Variants in PCDHGA9 observed in about 807,000 individuals in gnomAD.
PCDHGA9 encodes the protein protocadherin gamma subfamily A, 9.
In PCDHGA9, 37 loss-of-function variants were observed where a neutral mutation model predicts 62.5. The ratio of observed to expected loss-of-function variants is 0.59; its 90% CI spans 0.46 to 0.78. The LOEUF (loss-of-function observed/expected upper bound fraction) is 0.78. Among genes scored for constraint, PCDHGA9 ranks in the 30% least tolerant of loss-of-function variants. The pLI is 0.00. For missense variants in PCDHGA9, 1,138 were observed against 1,166.2 expected (o/e 0.98, Z 0.35); for synonymous variants, 459 against 484.6 (o/e 0.95, Z 0.69).
At position 141,431,590 on chromosome 5, in the gene PCDHGA9, G is replaced by A; in HGVS notation, c.2424+26214G>A. On this transcript the variant is annotated intron_variant, in intron 1 of 3. Transcript: ENST00000573521. The surrounding 1 kb of genome is among the most constrained non-coding windows in gnomAD (Gnocchi z 4.8). ...CTGACGAAGGAGTCAATGCGGAAGT[G>A]AGGTATTCCTTCCGGTATGTGGACG... 1.2e-6 allele frequency: 2 copies of A among 1,614,240 alleles called. No homozygotes were observed. Among genetic ancestry groups the A allele is most frequent in the South Asian group, 1.1e-5 (1 of 91,090 alleles).
At position 141,476,105 on chromosome 5, in the gene PCDHGA9, C is replaced by T; in HGVS notation, c.2425-18702C>T. ...ATCTGGACCCCGCTGAGAGGAACTG[C>T]TTTTGAGTGAGATGGTCCCAGAGGC... On this transcript the variant is annotated intron_variant, in intron 1 of 3. Coordinates refer to ENST00000573521, the MANE Select transcript of PCDHGA9 (RefSeq NM_018921.3). This position sits in a 1 kb window ranked among gnomAD's most constrained non-coding sequence, Gnocchi z 7.6. 2.5e-6 allele frequency: 4 copies of T among 1,585,450 alleles called. No homozygotes were observed. The highest frequency in any genetic ancestry group is 3.4e-6 in the Non-Finnish European group (4 of 1,168,874).
Position 141,487,323 on chromosome 5 carries a change from G to T in PCDHGA9, c.2425-7484G>T. The T allele has an allele frequency of 6.2e-7, 1 of 1,614,100 alleles. No homozygotes were observed. The highest frequency in any genetic ancestry group is 8.5e-7 in the Non-Finnish European group (1 of 1,180,004). On this transcript the variant is annotated intron_variant, in intron 1 of 3. Coordinates refer to ENST00000573521, the MANE Select transcript of PCDHGA9 (RefSeq NM_018921.3). This position sits in a 1 kb window ranked among gnomAD's most constrained non-coding sequence, Gnocchi z 5.0. ...GTGGCACTACTCTCTAAGTGTCTTC[G>T]TGGGGCAGCCTGTGGAGTCACATGC... is the stretch of plus-strand genomic sequence containing the variant.
intron 3 of PCDHGA9, among the ~76,000 whole-genome samples, chr5:141,508,649 C>T (rs1303066200): frequency 6.6e-6 from 1 of 152,126 alleles, no homozygotes; most frequent in Non-Finnish European, 1.5e-5. Flanking sequence ...CCGTCAGGCC[C>T]TTCCTGTCAT....
Position 141,477,650 on chromosome 5 carries a change from A to C in PCDHGA9, c.2425-17157A>C. The C allele has an allele frequency of 6.2e-7, 1 of 1,614,210 alleles. No homozygotes were observed. Among genetic ancestry groups the C allele is most frequent in the Non-Finnish European group, 8.5e-7 (1 of 1,180,036 alleles). On this transcript the variant is annotated intron_variant, in intron 1 of 3. Coordinates refer to ENST00000573521, the MANE Select transcript of PCDHGA9 (RefSeq NM_018921.3). The surrounding 1 kb of genome is among the most constrained non-coding windows in gnomAD (Gnocchi z 4.9). The stretch of plus-strand genomic sequence containing the variant: ...CGGGCTAGTGGGTCGCTATTTCACA[A>C]TAAATCGTGACAATGGCATAGTGTC...
intron 1 of PCDHGA9, among the ~76,000 whole-genome samples, chr5:141,466,534 T>C (rs1343781541): frequency 6.6e-6 from 1 of 152,214 alleles, no homozygotes; most frequent in Non-Finnish European, 1.5e-5. Flanking sequence ...CAAATTGATG[T>C]AGATGGTCTT....
Position 141,404,323 on chromosome 5 carries a change from C to G in PCDHGA9, c.1371C>G (p.Tyr457Ter), listed in dbSNP as rs777252767. ...CACCTGCTTTCTCTCAAGCCTCCTA[C>G]TCAGTCTACCTCCCGGAAAACAACG... ...DNPPAFSQAS[Y>*]SVYLPENNAR... is the part of the protein sequence containing the mutation. Residue 457 changes from tyrosine (Y) to a stop codon, truncating the protein, a stop_gained, in exon 1 of 4, where the codon TAC becomes TAG. Coordinates refer to ENST00000573521, the MANE Select transcript of PCDHGA9 (RefSeq NM_018921.3). LOFTEE classifies it high-confidence loss of function. 24 of 1,613,756 alleles carry G rather than the reference C, an allele frequency of 1.5e-5. No homozygotes were observed. Among genetic ancestry groups the G allele is most frequent in the Non-Finnish European group, 2.0e-5 (24 of 1,179,766 alleles).
chr5:141,468,433 A>G (rs2099167290), intron 1 of PCDHGA9: 1 of 152,202 alleles, frequency 6.6e-6, no homozygotes, highest in Non-Finnish European at 1.5e-5. Context: ...GGTAATAGCA[A>G]AATGTGGGTG....
intron 1 of PCDHGA9, chr5:141,413,040 C>G: frequency 1.2e-6 from 1 of 840,546 alleles, no homozygotes; most frequent in Non-Finnish European, 1.8e-6. Flanking sequence ...GGCTGCTGGG[C>G]TGCAGGGAAG....
chr5:141,437,831 G>C (rs923199746), intron 1 of PCDHGA9, among the ~76,000 whole-genome samples: 16 of 151,256 alleles, frequency 1.1e-4, no homozygotes, highest in African/African-American at 3.4e-4. Flanking sequence ...TCTGCCTCCT[G>C]GGTTCATGCT....
rs1176011355 is a variant in PCDHGA9, at chr5:141,485,491, G to C, written c.2425-9316G>C. Reference sequence around the variant, plus strand: ...TCAGTGCCAGCTGCATCGTGCCCCTGGAGTTTGTCACCGAAGGTCCTTTGG... The same window carrying C: ...TCAGTGCCAGCTGCATCGTGCCCCTCGAGTTTGTCACCGAAGGTCCTTTGG... On this transcript the variant is annotated intron_variant, in intron 1 of 3. Coordinates refer to ENST00000573521, the MANE Select transcript of PCDHGA9 (RefSeq NM_018921.3). This position sits in a 1 kb window ranked among gnomAD's most constrained non-coding sequence, Gnocchi z 5.7. 6.2e-7 allele frequency: 1 copy of C among 1,614,142 alleles called. No homozygotes were observed. The highest frequency in any genetic ancestry group is 1.3e-5 in the African/African-American group (1 of 75,018).
intron 1 of PCDHGA9, chr5:141,478,686 GA>G (rs2099472024): frequency 6.4e-7 from 1 of 1,551,134 alleles, no homozygotes; most frequent in South Asian, 1.2e-5. Context: ...GCCCTTCCTA[GA>G]TCAAAGTTAG....
rs374181150 is a variant in PCDHGA9, at chr5:141,477,134, G to C, written c.2425-17673G>C. The C allele has an allele frequency of 2.5e-5, 41 of 1,614,092 alleles. No homozygotes were observed. Among genetic ancestry groups the C allele is most frequent in the Non-Finnish European group, 3.4e-5 (40 of 1,180,056 alleles). ...CGAAGGAGCACATTGCAAAGTGTTG[G>C]TGGAGGTTGTGGATGTGAATGACAA... is the stretch of plus-strand genomic sequence containing the variant. On this transcript the variant is annotated intron_variant, in intron 1 of 3. Coordinates refer to ENST00000573521, the MANE Select transcript of PCDHGA9 (RefSeq NM_018921.3). The surrounding 1 kb of genome is among the most constrained non-coding windows in gnomAD (Gnocchi z 4.9).
At chr5:141,422,009 G>C (rs1483710075) in intron 1 of PCDHGA9, 1 of 1,609,752 alleles carries the variant, frequency 6.2e-7, no homozygotes, top group Non-Finnish European at 8.5e-7. Flanking sequence ...TCCGGAACTC[G>C]GGTGCTGATG....
At chr5:141,430,996 G>A (rs1256552269) in intron 1 of PCDHGA9, 6 of 1,614,024 alleles carry the variant, frequency 3.7e-6, no homozygotes, top group Non-Finnish European at 5.1e-6. Context: ...CCCTGAATCC[G>A]CGCAGCGGCA....
At position 141,404,247 on chromosome 5, in the gene PCDHGA9, T is replaced by C; in HGVS notation, c.1295T>C (p.Leu432Pro). 6.2e-7 allele frequency: 1 copy of C among 1,613,870 alleles called. No homozygotes were observed. Among genetic ancestry groups the C allele is most frequent in the Non-Finnish European group, 8.5e-7 (1 of 1,179,844 alleles). The change falls in exon 1 of 4, where the codon CTG (leucine) becomes CCG (proline). Residue 432 changes from leucine (L) to proline (P), a missense_variant. Coordinates refer to ENST00000573521, the MANE Select transcript of PCDHGA9 (RefSeq NM_018921.3). ...GCAACAGACAGAGGAACTCCGCCCC[T>C]GTCCACAGAAATTCACATCACCCTG... ...VTATDRGTPP[L>P]STEIHITLQV...
intron 1 of PCDHGA9, chr5:141,408,218 G>A: frequency 6.4e-7 from 1 of 1,557,454 alleles, no homozygotes; most frequent in South Asian, 1.2e-5. Context: ...AGGGAGCTGC[G>A]CGCAGAGGCG....
chr5:141,409,567 G>A (rs974585499), intron 1 of PCDHGA9: 1 of 1,613,896 alleles, frequency 6.2e-7, no homozygotes, highest in African/African-American at 1.3e-5. Flanking sequence ...TCGACCAGAC[G>A]TCCTACGTGG....
At position 141,489,786 on chromosome 5, in the gene PCDHGA9, G is replaced by A. The variant is rs758119518; in HGVS notation, c.2425-5021G>A. 8.7e-6 allele frequency: 14 copies of A among 1,614,194 alleles called. No individual in the cohort carries two copies. Among genetic ancestry groups the A allele is most frequent in the Non-Finnish European group, 1.2e-5 (14 of 1,180,014 alleles). ...CCAACAGCCACTTCTCTCTGAATGTGAAGACCCTAAAAGATGGGAAGCCAT... is the reference window on the plus strand; with the variant it reads ...CCAACAGCCACTTCTCTCTGAATGTAAAGACCCTAAAAGATGGGAAGCCAT... On this transcript the variant is annotated intron_variant, in intron 1 of 3. Transcript: ENST00000573521. This position sits in a 1 kb window ranked among gnomAD's most constrained non-coding sequence, Gnocchi z 4.5.
At chr5:141,428,102 G>T (rs774075619) in intron 1 of PCDHGA9, 38 of 1,608,516 alleles carry the variant, frequency 2.4e-5, no homozygotes, top group Non-Finnish European at 3.2e-5. Flanking sequence ...CCTACCACGT[G>T]CTGCAGGCCA....
Sources: gnomAD v4.1 joint callset for allele counts (sites outside exome capture counted in the v4.1 genomes callset) on GRCh38, gnomAD v4.1.1 for gene constraint, Gnocchi (gnomAD v3.1) non-coding constraint, MANE v1.5 for transcripts, NCBI Gene and HGNC (gene_info 2026-07-23, HGNC 2026-07-21) for gene names.